The following MIA2 variants were observed in gnomAD, a reference collection of about 807,000 sequenced individuals.
The protein encoded by MIA2 is melanoma inhibitory activity protein 2.
In MIA2, 127 loss-of-function variants were observed where a neutral mutation model predicts 167.8. That is an observed-to-expected ratio of 0.76 (90% CI 0.66 to 0.88). The LOEUF (loss-of-function observed/expected upper bound fraction) is 0.88, where lower values mean the gene tolerates loss of function less well. Ranked by LOEUF, MIA2 falls within the 40% of genes least tolerant of loss-of-function variation. The pLI is 0.00. For missense variants in MIA2, 1,690 were observed against 1,624.7 expected (o/e 1.04, Z -0.69); for synonymous variants, 552 against 541.9 (o/e 1.02, Z -0.26).
At chr14:39,288,465 A>ATTTTTT (rs1410286393) in intron 9 of MIA2, among the ~76,000 whole-genome samples, 4 of 42,692 alleles carry the variant, frequency 9.4e-5, no homozygotes, top group Admixed American at 4.0e-4. Flanking sequence ...ATATATATAT[A>ATTTTTT]TATATATATA....
intron 24 of MIA2, among the ~76,000 whole-genome samples, chr14:39,324,608 T>A (rs1326560898): frequency 6.6e-6 from 1 of 151,664 alleles, no homozygotes; most frequent in Non-Finnish European, 1.5e-5. Flanking sequence ...GACTTCTTTT[T>A]TTTTTATTTT....
At chr14:39,358,591 G>C (rs375968296) in intron 23 of MIA2, among the ~76,000 whole-genome samples, 1 of 152,162 alleles carries the variant, frequency 6.6e-6, no homozygotes, top group Non-Finnish European at 1.5e-5. Context: ...TCTGTTGTTG[G>C]TGAGGAGCTG....
intron 23 of MIA2, among the ~76,000 whole-genome samples, chr14:39,365,554 T>C (rs959307305): frequency 2.0e-5 from 3 of 152,202 alleles, no homozygotes; most frequent in African/African-American, 7.2e-5. Flanking sequence ...AATTCTTTCC[T>C]CTGGTTGATC....
At chr14:39,328,924 G>A (rs1429616376) in intron 25 of MIA2, among the ~76,000 whole-genome samples, 1 of 152,102 alleles carries the variant, frequency 6.6e-6, no homozygotes, top group African/African-American at 2.4e-5. Context: ...TGTATTTTTT[G>A]CTTAGGATTG....
chr14:39,250,002 G>T (rs559770433), intron 4 of MIA2, among the ~76,000 whole-genome samples: 2 of 152,100 alleles, frequency 1.3e-5, no homozygotes, highest in African/African-American at 4.8e-5. Context: ...AGGTGTAGGC[G>T]TGATGCTTTT....
chr14:39,236,174 TA>T (rs893029002), intron 1 of MIA2, among the ~76,000 whole-genome samples: 6 of 152,096 alleles, frequency 3.9e-5, no homozygotes, highest in African/African-American at 1.4e-4. Context: ...CAAGACAGGT[TA>T]AAATGAAACA....
At chr14:39,254,845 G>A (rs2054743665) in intron 6 of MIA2, among the ~76,000 whole-genome samples, 1 of 152,180 alleles carries the variant, frequency 6.6e-6, no homozygotes. Flanking sequence ...TCCGATGGTG[G>A]CAGTCGAAAT....
chr14:39,317,643 T>C (rs531283044), intron 21 of MIA2, among the ~76,000 whole-genome samples: 20 of 152,270 alleles, frequency 1.3e-4, no homozygotes, highest in African/African-American at 4.6e-4. Flanking sequence ...TTAAAGGCCT[T>C]TTACATACAT....
chr14:39,235,520 G>A (rs1566579008), intron 1 of MIA2, among the ~76,000 whole-genome samples: 1 of 152,082 alleles, frequency 6.6e-6, no homozygotes, highest in South Asian at 2.1e-4. Flanking sequence ...GCTTGCACCT[G>A]TAATCCCAGC....
intron 14 of MIA2, among the ~76,000 whole-genome samples, chr14:39,301,852 TA>T (rs1389377285): frequency 8.5e-5 from 13 of 152,326 alleles, no homozygotes; most frequent in South Asian, 8.3e-4. Context: ...AAATGTCATA[TA>T]AAAAATATTT....
At chr14:39,371,721 T>A (rs972676596) in intron 23 of MIA2, among the ~76,000 whole-genome samples, 4 of 152,252 alleles carry the variant, frequency 2.6e-5, no homozygotes, top group African/African-American at 9.6e-5. Flanking sequence ...TCAAACTGGT[T>A]TGAGAAAAAT....
At chr14:39,303,357 T>C (rs2062828968) in intron 15 of MIA2, 121 bp from the exon 16 acceptor site, 1 of 717,238 alleles carries the variant, frequency 1.4e-6, no homozygotes, top group Admixed American at 2.8e-5. Context: ...AAATTCTTTA[T>C]TGTAGCAAGA....
At chr14:39,279,268 C>G in intron 7 of MIA2, 69 bp from the exon 8 acceptor site, 1 of 1,343,370 alleles carries the variant, frequency 7.4e-7, no homozygotes, top group Non-Finnish European at 1.0e-6. Flanking sequence ...TGGCAGTAGA[C>G]GTTAAATGAA....
chr14:39,243,196 G>T (rs955760793), intron 3 of MIA2, among the ~76,000 whole-genome samples: 7 of 151,920 alleles, frequency 4.6e-5, no homozygotes, highest in African/African-American at 1.7e-4. Flanking sequence ...TTGTGATGTA[G>T]TTGCAGTGAA....
intron 25 of MIA2, among the ~76,000 whole-genome samples, chr14:39,328,651 A>G (rs955401543): frequency 2.0e-5 from 3 of 152,154 alleles, no homozygotes; most frequent in African/African-American, 7.2e-5. Context: ...TATAAGGTGC[A>G]GGGAAGGGGT....
In MIA2 at chr14:39,304,329, C is replaced by T; in HGVS notation, c.2826C>T (p.Asn942=). The T allele has an allele frequency of 6.4e-7, 1 of 1,574,150 alleles. No homozygotes were observed. Among genetic ancestry groups the T allele is most frequent in the Non-Finnish European group, 8.6e-7 (1 of 1,158,976 alleles). ...ASLKTLEGER[N]QIYIQLSEVD... ...TAAAAACCTTAGAAGGAGAAAGAAA[C>T]CAAATTTATATTCAGTTGTCTGAAG... is the stretch of plus-strand genomic sequence containing the variant. Residue 942 remains asparagine, a synonymous_variant, in exon 17 of 29, where the codon AAC becomes AAT. Transcript: ENST00000640607.
intron 24 of MIA2, among the ~76,000 whole-genome samples, chr14:39,321,290 CTTT>C (rs1324722728): frequency 6.6e-6 from 1 of 151,868 alleles, no homozygotes; most frequent in Non-Finnish European, 1.5e-5. Context: ...TGATGTGTAT[CTTT>C]TTATTTATTT....
chr14:39,353,678 A>T (rs573802829), downstream of MIA2, among the ~76,000 whole-genome samples: 1 of 152,004 alleles, frequency 6.6e-6, no homozygotes, highest in East Asian at 1.9e-4. Flanking sequence ...CCATTAACTC[A>T]TCATTTACAT....
intron 3 of MIA2, among the ~76,000 whole-genome samples, chr14:39,242,926 C>T (rs2054117296): frequency 1.3e-5 from 2 of 151,512 alleles, no homozygotes; most frequent in Admixed American, 1.3e-4. Flanking sequence ...AGTTCAAGAC[C>T]AGCCTGACCA....
Sources: gnomAD v4.1 joint callset for allele counts (sites outside exome capture counted in the v4.1 genomes callset) on GRCh38, gnomAD v4.1.1 for gene constraint, MANE v1.5 for transcripts, NCBI Gene and HGNC (gene_info 2026-07-23, HGNC 2026-07-21) for gene names.